Variants in TMEM132B observed in about 807,000 individuals in gnomAD.
TMEM132B encodes transmembrane protein 132B.
A neutral mutation model predicts 90.8 loss-of-function variants in TMEM132B; 18 were observed. The observed-to-expected ratio is 0.20, with a 90% CI of 0.14 to 0.29. The LOEUF is 0.29. TMEM132B is among the 10% of genes least tolerant of loss of function. The probability of loss-of-function intolerance (pLI) is 1.00; values close to 1 mark genes in which losing one functional copy is unlikely to be tolerated. For synonymous variants in TMEM132B, 504 were observed against 523.3 expected (o/e 0.96, Z 0.50); for missense variants, 1,096 against 1,326.8 (o/e 0.83, Z 2.70).
chr12:125,554,890 G>A (rs1429098753), intron 4 of TMEM132B, among the ~76,000 whole-genome samples: 1 of 152,006 alleles, frequency 6.6e-6, no homozygotes, highest in South Asian at 2.1e-4. Flanking sequence ...CTCTTTGTTG[G>A]CGAGTTTCAT....
At chr12:125,336,563 T>G (rs1416534914) in intron 1 of TMEM132B, among the ~76,000 whole-genome samples, 2 of 151,502 alleles carry the variant, frequency 1.3e-5, no homozygotes, top group Non-Finnish European at 3.0e-5. Flanking sequence ...CATTTTCGAT[T>G]TCAGTAATGA....
Position 125,232,015 on chromosome 12 carries a change from A to G in TMEM132B, c.67+45149A>G, listed in dbSNP as rs142602306. On this transcript the variant is annotated intron_variant, in intron 1 of 8. Coordinates refer to ENST00000682704, the MANE Select transcript of TMEM132B (RefSeq NM_001366854.1). ...TAAAAATCTATGTGAAGGAAGGCAC[A>G]GTATACATACTTTTTTGCACTTTGA... Among the ~76,000 whole-genome samples, 75 of 152,294 alleles carry G rather than the reference A, an allele frequency of 4.9e-4. 2 individuals carry two copies. The highest frequency in any genetic ancestry group is 1.3e-3 in the African/African-American group (54 of 41,574).
At chr12:125,335,753 G>A (rs2136212234) in intron 1 of TMEM132B, among the ~76,000 whole-genome samples, 1 of 152,316 alleles carries the variant, frequency 6.6e-6, no homozygotes, top group East Asian at 1.9e-4. Context: ...TTGGGCAGCT[G>A]AGGTGAGAGG....
At chr12:125,223,186 T>A (rs1873599799) in intron 1 of TMEM132B, among the ~76,000 whole-genome samples, 1 of 152,190 alleles carries the variant, frequency 6.6e-6, no homozygotes. Context: ...AATAAAGTGA[T>A]CTGAATATCA....
At chr12:125,287,432 A>G (rs1875393288) in intron 1 of TMEM132B, among the ~76,000 whole-genome samples, 1 of 152,138 alleles carries the variant, frequency 6.6e-6, no homozygotes. Context: ...CATAATTTAA[A>G]TTATTTCATT....
At position 125,498,499 on chromosome 12, in the gene TMEM132B, T is replaced by C. The variant is rs1882615124; in HGVS notation, c.1107-20940T>C. 6.6e-6 allele frequency among the ~76,000 whole-genome samples: 1 copy of C among 152,210 alleles called. No homozygotes were observed. The highest frequency in any genetic ancestry group is 1.5e-5 in the Non-Finnish European group (1 of 68,046). On this transcript the variant is annotated intron_variant, in intron 3 of 8. Transcript: ENST00000682704. This position sits in a 1 kb window ranked among gnomAD's most constrained non-coding sequence, Gnocchi z 4.5. Reference sequence around the variant, plus strand: ...GCATGTTTCAGAGACAATATCTGACTTCCTAGCAGAGAAATGTCTGTGATT... The same window carrying C: ...GCATGTTTCAGAGACAATATCTGACCTCCTAGCAGAGAAATGTCTGTGATT...
intron 1 of TMEM132B, among the ~76,000 whole-genome samples, chr12:125,247,577 G>A (rs1874231398): frequency 6.6e-6 from 1 of 152,136 alleles, no homozygotes; most frequent in African/African-American, 2.4e-5. Context: ...TTGGCCCCAG[G>A]GAGACAAGTG....
chr12:125,190,636 TGGGGAAGG>T, intron 1 of TMEM132B, among the ~76,000 whole-genome samples: 1 of 34,232 alleles, frequency 2.9e-5, no homozygotes, highest in African/African-American at 1.4e-4. Context: ...GTGATGGTGA[TGGGGAAGG>T]GGTGGCGATG....
At chr12:125,484,863 C>T (rs770606731) in intron 3 of TMEM132B, among the ~76,000 whole-genome samples, 7 of 152,108 alleles carry the variant, frequency 4.6e-5, no homozygotes, top group Non-Finnish European at 7.4e-5. Context: ...CCTTGGGTTC[C>T]CAAAGTGCTG....
chr12:125,356,200 C>A (rs1165419674), intron 2 of TMEM132B, among the ~76,000 whole-genome samples: 1 of 152,168 alleles, frequency 6.6e-6, no homozygotes, highest in African/African-American at 2.4e-5. Flanking sequence ...CCTGGGCTGA[C>A]CTCTCCGTCT....
chr12:125,332,968 C>G (rs1368854379), intron 1 of TMEM132B, among the ~76,000 whole-genome samples: 1 of 152,132 alleles, frequency 6.6e-6, no homozygotes, highest in Non-Finnish European at 1.5e-5. Context: ...CGTTAGTTTC[C>G]TGTGGGTGTT....
At chr12:125,508,709 GAA>G (rs551914640) in intron 3 of TMEM132B, among the ~76,000 whole-genome samples, 9 of 151,902 alleles carry the variant, frequency 5.9e-5, no homozygotes, top group Non-Finnish European at 1.2e-4. Flanking sequence ...CATGACAGAA[GAA>G]AAGTTTCCAC....
chr12:125,282,736 C>T (rs543633394), intron 1 of TMEM132B, among the ~76,000 whole-genome samples: 4 of 152,358 alleles, frequency 2.6e-5, no homozygotes, highest in Admixed American at 2.6e-4. Flanking sequence ...CTTTTGACCT[C>T]TCTGAGCCTC....
Position 125,460,608 on chromosome 12 carries a change from A to G in TMEM132B, c.1106+44931A>G, listed in dbSNP as rs1287288480. On this transcript the variant is annotated intron_variant, in intron 3 of 8. Transcript: ENST00000682704. The surrounding 1 kb of genome is among the most constrained non-coding windows in gnomAD (Gnocchi z 4.4). ...CCAACGCATTTCACTCTTCAACAGT[A>G]CTGCTCAACCGTTTGAGTATCTGCG... Among the ~76,000 whole-genome samples the G allele has an allele frequency of 6.6e-6, 1 of 152,254 alleles. No individual in the cohort carries two copies. The highest frequency in any genetic ancestry group is 2.4e-5 in the African/African-American group (1 of 41,468).
intron 4 of TMEM132B, among the ~76,000 whole-genome samples, chr12:125,572,514 A>AG (rs1884824805): frequency 6.6e-6 from 1 of 152,238 alleles, no homozygotes; most frequent in African/African-American, 2.4e-5. Flanking sequence ...TATCACAGTG[A>AG]GGAAAAAATT....
chr12:125,553,695 C>CCCTCTT (rs1884297898), intron 4 of TMEM132B, among the ~76,000 whole-genome samples: 2 of 148,108 alleles, frequency 1.4e-5, no homozygotes, highest in South Asian at 4.4e-4. Flanking sequence ...TTTTAATTCT[C>CCCTCTT]TTTCAACATT....
At chr12:125,610,190 A>G (rs1448440470) in intron 5 of TMEM132B, among the ~76,000 whole-genome samples, 1 of 152,084 alleles carries the variant, frequency 6.6e-6, no homozygotes, top group African/African-American at 2.4e-5. Context: ...ATGAGAGATA[A>G]TTCACTTTTT....
At chr12:125,242,836 T>G (rs1173247563) in intron 1 of TMEM132B, among the ~76,000 whole-genome samples, 1 of 152,178 alleles carries the variant, frequency 6.6e-6, no homozygotes, top group Non-Finnish European at 1.5e-5. Context: ...TTTCTTTTTT[T>G]AAATTATGTT....
At chr12:125,387,226 G>A (rs1449869601) in intron 2 of TMEM132B, among the ~76,000 whole-genome samples, 1 of 152,124 alleles carries the variant, frequency 6.6e-6, no homozygotes, top group Non-Finnish European at 1.5e-5. Flanking sequence ...TGAAAAAAGG[G>A]GTAAGAGTTT....
Sources: gnomAD v4.1 joint callset for allele counts (sites outside exome capture counted in the v4.1 genomes callset) on GRCh38, gnomAD v4.1.1 for gene constraint, Gnocchi (gnomAD v3.1) non-coding constraint, MANE v1.5 for transcripts, NCBI Gene and HGNC (gene_info 2026-07-23, HGNC 2026-07-21) for gene names.